Variants in TYW1 observed in about 807,000 individuals in gnomAD.
TYW1 encodes tRNA-yW synthesizing protein 1 homolog, also known as S-adenosyl-L-methionine-dependent tRNA 4-demethylwyosine synthase TYW1.
TYW1 carries 46 observed loss-of-function variants against 96.2 expected under a neutral mutation model. The ratio of observed to expected loss-of-function variants is 0.48; its 90% CI spans 0.38 to 0.61. The LOEUF is 0.61. Among genes scored for constraint, TYW1 ranks in the 20% least tolerant of loss-of-function variants. The pLI, the probability that TYW1 is intolerant of heterozygous loss-of-function variation, is 0.00. For synonymous variants in TYW1, 274 were observed against 323.0 expected, an observed-to-expected ratio of 0.85 and a Z score of 1.63; for missense variants, 684 against 909.6, an observed-to-expected ratio of 0.75 and a Z score of 3.19.
chr7:67,120,501 G>C (rs570773601), intron 13 of TYW1, among the ~76,000 whole-genome samples: 14 of 152,304 alleles, frequency 9.2e-5, no homozygotes, highest in African/African-American at 3.4e-4. Flanking sequence ...TTTTATGCCC[G>C]AAGTTAAATC....
At chr7:67,094,520 A>G (rs3107882) in intron 11 of TYW1, among the ~76,000 whole-genome samples, 1 of 152,190 alleles carries the variant, frequency 6.6e-6, no homozygotes, top group African/African-American at 2.4e-5. Context: ...TGACTAGTAT[A>G]AGATGATATC....
rs114461264 is a variant in TYW1 at position 67,095,258 on chromosome 7, C to T, written c.1385-3283C>T. ...AACTGATGCACCCATCTCGGCCTCA[C>T]TAAGTGCTGGGATTACAGGCATGAG... On this transcript the variant is annotated intron_variant, in intron 11 of 15. Coordinates refer to ENST00000359626, the MANE Select transcript of TYW1 (RefSeq NM_018264.4). 9.3e-3 allele frequency among the ~76,000 whole-genome samples: 1,417 copies of T among 152,184 alleles called. 22 individuals carry two copies. The highest frequency in any genetic ancestry group is 0.033 in the African/African-American group (1,354 of 41,542).
rs56261312 is a variant in TYW1 at position 67,134,779 on chromosome 7, G to GT, written c.1698+17175dup. On this transcript the variant is annotated intron_variant, in intron 13 of 15. Transcript: ENST00000359626. ...GGAGACAAATGTTCCATGCCCATGTGTTTTTTTTTTTTTTAATAATTGAGG... is the reference window on the plus strand; with the variant it reads ...GGAGACAAATGTTCCATGCCCATGTGTTTTTTTTTTTTTTTAATAATTGAGG... 8.3e-3 allele frequency among the ~76,000 whole-genome samples: 1,164 copies of GT among 140,134 alleles called. 13 individuals are homozygous for GT. Among genetic ancestry groups the GT allele is most frequent in the Admixed American group, 0.011 (147 of 13,990 alleles). The allele number at this position is 140,134 out of a possible 152,430, so 91.9% of individuals were successfully genotyped here. A position where few individuals can be genotyped will look rare whatever the true frequency, so the allele number is the denominator to read the frequency against.
chr7:67,016,673 T>C lies in TYW1; in HGVS notation c.571-1180T>C, dbSNP rs1405784785. On this transcript the variant is annotated intron_variant, in intron 5 of 15. Transcript: ENST00000359626. ...TGTTTTTTGAGAGAGGGTCTCACCATGTTGCCTAGGTTGGAGTTCAGTGGC... is the reference window on the plus strand; with the variant it reads ...TGTTTTTTGAGAGAGGGTCTCACCACGTTGCCTAGGTTGGAGTTCAGTGGC... Among the ~76,000 whole-genome samples, 4 of 152,350 alleles carry C rather than the reference T, an allele frequency of 2.6e-5. No individual in the cohort carries two copies. In the East Asian group the frequency reaches 7.7e-4, roughly 29 times the overall value.
chr7:67,050,117 C>T (rs1479239674), intron 8 of TYW1, 51 bp downstream of exon 8: 1 of 1,588,736 alleles, frequency 6.3e-7, no homozygotes, highest in African/African-American at 1.4e-5. Flanking sequence ...TAGGCATTCT[C>T]ATTTGATACC....
chr7:67,016,359 C>T (rs1333191142), intron 5 of TYW1, among the ~76,000 whole-genome samples: 1 of 151,428 alleles, frequency 6.6e-6, no homozygotes, highest in Non-Finnish European at 1.5e-5. Flanking sequence ...CCCAGCCTGA[C>T]CAACATGGAG....
intron 15 of TYW1, among the ~76,000 whole-genome samples, chr7:67,200,868 C>T (rs1372640146): frequency 6.6e-6 from 1 of 151,984 alleles, no homozygotes; most frequent in Non-Finnish European, 1.5e-5. Flanking sequence ...AGAAACAGTA[C>T]AAGCAGAGGT....
At chr7:67,004,353 G>A (rs1300139884) in intron 3 of TYW1, among the ~76,000 whole-genome samples, 1 of 152,066 alleles carries the variant, frequency 6.6e-6, no homozygotes, top group African/African-American at 2.4e-5. Context: ...CCCTGGGGGA[G>A]GGGTGAGTGA....
At chr7:67,048,522 G>A (rs1795256793) in intron 7 of TYW1, among the ~76,000 whole-genome samples, 1 of 151,864 alleles carries the variant, frequency 6.6e-6, no homozygotes, top group South Asian at 2.1e-4. Flanking sequence ...AAAAAGATAG[G>A]GAGATATCCC....
At chr7:67,065,091 CCTCTGGGA>C (rs1009242810) in intron 9 of TYW1, among the ~76,000 whole-genome samples, 2 of 152,180 alleles carry the variant, frequency 1.3e-5, no homozygotes, top group Non-Finnish European at 2.9e-5. Context: ...GGACCGCACA[CCTCTGGGA>C]AGCTCTCACT....
At chr7:67,130,938 A>G (rs1798053345) in intron 13 of TYW1, among the ~76,000 whole-genome samples, 1 of 152,148 alleles carries the variant, frequency 6.6e-6, no homozygotes, top group Non-Finnish European at 1.5e-5. Flanking sequence ...AAAGTCCCCT[A>G]GGGAAGGCAA....
chr7:67,187,212 T>C (rs550811977), intron 14 of TYW1, among the ~76,000 whole-genome samples: 22 of 152,130 alleles, frequency 1.4e-4, no homozygotes, highest in Admixed American at 3.9e-4. Context: ...TACAGGTGTA[T>C]ACCACCATGC....
At chr7:67,037,241 C>T (rs995031562) in intron 7 of TYW1, among the ~76,000 whole-genome samples, 2 of 152,106 alleles carry the variant, frequency 1.3e-5, no homozygotes, top group African/African-American at 4.8e-5. Context: ...GGCGCAGTGG[C>T]TCACACCTGT....
At chr7:67,160,628 G>C (rs559611794) in intron 13 of TYW1, among the ~76,000 whole-genome samples, 3 of 149,270 alleles carry the variant, frequency 2.0e-5, no homozygotes, top group African/African-American at 7.6e-5. Context: ...GTCTCACTCT[G>C]TTGGCCAGGC....
chr7:67,029,437 A>ATATATATATATATATATACATACATAT (rs746024597), intron 7 of TYW1, among the ~76,000 whole-genome samples: 1 of 146,560 alleles, frequency 6.8e-6, no homozygotes, highest in Non-Finnish European at 1.5e-5. Flanking sequence ...ATATATAAAT[A>ATATATATATATATATATACATACATAT]GTATTTTCTA....
At chr7:67,112,657 CA>C (rs1215645048) in intron 12 of TYW1, among the ~76,000 whole-genome samples, 1 of 150,972 alleles carries the variant, frequency 6.6e-6, no homozygotes, top group African/African-American at 2.4e-5. Flanking sequence ...ATTAAGAATA[CA>C]AACAGCTTTG....
chr7:67,237,555 C>T (rs1467046933), intron 15 of TYW1, among the ~76,000 whole-genome samples: 3 of 150,418 alleles, frequency 2.0e-5, no homozygotes, highest in Non-Finnish European at 4.4e-5. Context: ...GTTTATGAGT[C>T]AGGTATCAGC....
intron 12 of TYW1, among the ~76,000 whole-genome samples, chr7:67,100,403 C>G (rs1797049786): frequency 6.6e-6 from 1 of 151,548 alleles, no homozygotes; most frequent in Non-Finnish European, 1.5e-5. Context: ...GTCAAGACCT[C>G]TGCTTATTTA....
At chr7:67,074,376 A>G (rs1412104324) in intron 10 of TYW1, among the ~76,000 whole-genome samples, 1 of 152,168 alleles carries the variant, frequency 6.6e-6, no homozygotes, top group East Asian at 1.9e-4. Context: ...CAAAAGAAAT[A>G]ACAGGATCTA....
Sources: allele counts gnomAD v4.1 joint callset (sites outside exome capture counted in the v4.1 genomes callset), GRCh38; gene constraint gnomAD v4.1.1; transcripts MANE v1.5; gene names NCBI Gene and HGNC (gene_info 2026-07-23, HGNC 2026-07-21).